Variants in SH3BP4 observed in about 807,000 individuals in gnomAD.
SH3BP4 encodes SH3 domain binding protein 4, also known as SH3 domain-binding protein 4.
A neutral mutation model predicts 65.5 loss-of-function variants in SH3BP4; 33 were observed. That is an observed-to-expected ratio of 0.50 (90% CI 0.38 to 0.67). SH3BP4 has a LOEUF of 0.67. SH3BP4 is among the 30% of genes least tolerant of loss of function. The probability of loss-of-function intolerance (pLI) is 0.00; values close to 1 mark genes in which losing one functional copy is unlikely to be tolerated. For synonymous variants in SH3BP4, 552 were observed against 545.5 expected (o/e 1.01, Z -0.17); for missense variants, 1,134 against 1,261.4 (o/e 0.90, Z 1.53).
chr2:235,015,267 T>C (rs1212844296), intron 2 of SH3BP4, among the ~76,000 whole-genome samples: 1 of 152,218 alleles, frequency 6.6e-6, no homozygotes, highest in African/African-American at 2.4e-5. Flanking sequence ...AATAAGAGTA[T>C]GTCAAACAAA....
rs562659704 is a variant in SH3BP4 at position 234,997,910 on chromosome 2, C to A, written c.-133+2534C>A. On this transcript the variant is annotated intron_variant, in intron 2 of 5. Coordinates refer to ENST00000392011, the MANE Select transcript of SH3BP4 (RefSeq NM_014521.3). The surrounding 1 kb of genome is among the most constrained non-coding windows in gnomAD (Gnocchi z 4.2). The stretch of plus-strand genomic sequence containing the variant: ...GGCCGAGGTGGGCGGATCACGAGAT[C>A]AGGAGATCAAGACCATCCTGTCTAA... Among the ~76,000 whole-genome samples, 37 of 152,200 alleles carry A rather than the reference C, an allele frequency of 2.4e-4. No individual in the cohort carries two copies. The highest frequency in any genetic ancestry group is 8.7e-4 in the African/African-American group (36 of 41,516).
Position 235,034,732 on chromosome 2 carries a change from G to T in SH3BP4, c.-132-139G>T, listed in dbSNP as rs185193689. ...CAAGGAGCAAGCGCTGCTCTGCTCTGTTGGGCCAGGAAAGATGAAATGGGT... is the reference window on the plus strand; with the variant it reads ...CAAGGAGCAAGCGCTGCTCTGCTCTTTTGGGCCAGGAAAGATGAAATGGGT... On this transcript the variant is annotated intron_variant, in intron 2 of 5. Coordinates refer to ENST00000392011, the MANE Select transcript of SH3BP4 (RefSeq NM_014521.3). This position sits in a 1 kb window ranked among gnomAD's most constrained non-coding sequence, Gnocchi z 6.2. The T allele has an allele frequency of 5.1e-5, 22 of 429,166 alleles. No homozygotes were observed. In the East Asian group the frequency reaches 7.7e-4, roughly 15 times the overall value. The allele number at this position is 429,166 out of a possible 1,614,324, so 26.6% of individuals were successfully genotyped here.
At chr2:235,038,355 T>C (rs1695495208) in intron 3 of SH3BP4, among the ~76,000 whole-genome samples, 56 of 20,030 alleles carry the variant, frequency 2.8e-3, no homozygotes, top group African/African-American at 0.017. Context: ...ATATTTTATA[T>C]ATATATATAT....
intron 2 of SH3BP4, among the ~76,000 whole-genome samples, chr2:235,023,431 C>G (rs1694903460): frequency 6.6e-6 from 1 of 151,942 alleles, no homozygotes; most frequent in African/African-American, 2.4e-5. Context: ...ACCTGTAATC[C>G]CAGCTACTTG....
intron 2 of SH3BP4, among the ~76,000 whole-genome samples, chr2:235,009,925 G>A (rs1694423761): frequency 6.6e-6 from 1 of 152,084 alleles, no homozygotes; most frequent in African/African-American, 2.4e-5. Flanking sequence ...TTGCTCCTGG[G>A]AAAGTGTGTT....
At position 234,985,117 on chromosome 2, in the gene SH3BP4, G is replaced by A. The variant is rs183637330; in HGVS notation, c.-206-10186G>A. 2.6e-3 allele frequency among the ~76,000 whole-genome samples: 402 copies of A among 152,272 alleles called. 1 individual carries two copies. The Middle Eastern group carries it at 0.027, about 10-fold the overall frequency. The stretch of plus-strand genomic sequence containing the variant: ...TGGGGCTGTGGTGTGCTGGGATAGC[G>A]GAGCACCTGCAGATCACACCCCCTA... On this transcript the variant is annotated intron_variant, in intron 1 of 5. Transcript: ENST00000392011.
At chr2:235,002,456 G>A (rs1004716920) in intron 2 of SH3BP4, among the ~76,000 whole-genome samples, 8 of 152,098 alleles carry the variant, frequency 5.3e-5, no homozygotes, top group African/African-American at 1.7e-4. Flanking sequence ...GGTCAAGCTG[G>A]ATGCGGTGGC....
rs1696152302 is a variant in SH3BP4, at chr2:235,054,104, A to G, written c.*288A>G. ...AATGGGGGGAAGGGATCTATGAGAA[A>G]GGTGGTATCTAATTTTTTTATGGAC... On this transcript the variant is annotated 3_prime_UTR_variant, in exon 6 of 6. Coordinates refer to ENST00000392011, the MANE Select transcript of SH3BP4 (RefSeq NM_014521.3). 3 of 357,492 alleles carry G rather than the reference A, an allele frequency of 8.4e-6. No homozygotes were observed. Among genetic ancestry groups the G allele is most frequent in the Non-Finnish European group, 1.5e-5 (3 of 196,380 alleles). 22.1% of individuals were successfully genotyped at this position (357,492 alleles called of 1,614,324 possible).
chr2:234,992,580 G>C (rs1047365132), intron 1 of SH3BP4, among the ~76,000 whole-genome samples: 5 of 150,080 alleles, frequency 3.3e-5, no homozygotes, highest in Admixed American at 2.6e-4. Flanking sequence ...CTCTGGGTCT[G>C]GGCAGCACCT....
intron 2 of SH3BP4, among the ~76,000 whole-genome samples, chr2:235,029,094 T>C (rs1052024656): frequency 3.9e-5 from 6 of 152,230 alleles, no homozygotes; most frequent in Non-Finnish European, 8.8e-5. Context: ...CAGGCAGGCC[T>C]GCTGGAGAGG....
rs946375470 is a variant in SH3BP4, at chr2:235,010,938, C to T, written c.-133+15562C>T. 1.4e-4 allele frequency among the ~76,000 whole-genome samples: 21 copies of T among 147,706 alleles called. 1 individual carries two copies. Among genetic ancestry groups the T allele is most frequent in the African/African-American group, 5.0e-4 (20 of 39,714 alleles). On this transcript the variant is annotated intron_variant, in intron 2 of 5. Transcript: ENST00000392011. ...CCCTTCCTCCCTCTTCTAGGAGAACCCTTTCTCTCTCTCCTAGAACCCTTC... is the reference window on the plus strand; with the variant it reads ...CCCTTCCTCCCTCTTCTAGGAGAACTCTTTCTCTCTCTCCTAGAACCCTTC...
rs1201470232 is a variant in SH3BP4 at position 234,997,124 on chromosome 2, A to G, written c.-133+1748A>G. ...CTGGATACAGCGGGCAGAGCGTTGC[A>G]TGTGCCTCTGGGTGGGGTGTAGGGG... On this transcript the variant is annotated intron_variant, in intron 2 of 5. Transcript: ENST00000392011. The surrounding 1 kb of genome is among the most constrained non-coding windows in gnomAD (Gnocchi z 4.2). Among the ~76,000 whole-genome samples, 2 of 152,140 alleles carry G rather than the reference A, an allele frequency of 1.3e-5. No homozygotes were observed. The highest frequency in any genetic ancestry group is 2.4e-5 in the African/African-American group (1 of 41,440).
intron 4 of SH3BP4, among the ~76,000 whole-genome samples, chr2:235,050,288 T>A (rs191896728): frequency 8.6e-4 from 131 of 152,108 alleles, no homozygotes; most frequent in Non-Finnish European, 1.5e-3. Flanking sequence ...GCTAATTTTT[T>A]TTGTACTTTT....
rs916533437 is a variant in SH3BP4, at chr2:235,030,182, G to GA, written c.-132-4685dup. 3.9e-5 allele frequency among the ~76,000 whole-genome samples: 6 copies of GA among 152,140 alleles called. No homozygotes were observed. The highest frequency in any genetic ancestry group is 1.4e-4 in the African/African-American group (6 of 41,434). ...TAGCAGGGCAGCAGCATGGCTTTGAGAAAATCAAGGGCTCACCAGAGGTGG... is the reference window on the plus strand; with the variant it reads ...TAGCAGGGCAGCAGCATGGCTTTGAGAAAAATCAAGGGCTCACCAGAGGTGG... On this transcript the variant is annotated intron_variant, in intron 2 of 5. Coordinates refer to ENST00000392011, the MANE Select transcript of SH3BP4 (RefSeq NM_014521.3). The surrounding 1 kb of genome is among the most constrained non-coding windows in gnomAD (Gnocchi z 4.1).
At chr2:235,040,791 A>AC in intron 3 of SH3BP4, 97 bp from the exon 4 acceptor site, 1 of 1,041,160 alleles carries the variant, frequency 9.6e-7, no homozygotes, top group Admixed American at 2.0e-5. Flanking sequence ...GTTATTGTGC[A>AC]CCTGTCTGTT....
intron 1 of SH3BP4, among the ~76,000 whole-genome samples, chr2:234,968,284 G>A (rs1321149569): frequency 6.6e-6 from 1 of 152,112 alleles, no homozygotes; most frequent in African/African-American, 2.4e-5. Context: ...CAGAAACACG[G>A]CCACCTGATG....
intron 2 of SH3BP4, among the ~76,000 whole-genome samples, chr2:235,000,099 G>C (rs887744060): frequency 6.6e-6 from 1 of 152,228 alleles, no homozygotes; most frequent in Non-Finnish European, 1.5e-5. Flanking sequence ...TCCAGGCTGG[G>C]GGTGTGCCTG....
At chr2:235,001,251 C>T (rs529818875) in intron 2 of SH3BP4, among the ~76,000 whole-genome samples, 17 of 152,270 alleles carry the variant, frequency 1.1e-4, no homozygotes, top group African/African-American at 3.6e-4. Flanking sequence ...TCTGTGAAAC[C>T]CCTGAAACTG....
intron 2 of SH3BP4, among the ~76,000 whole-genome samples, chr2:234,998,569 C>T (rs569932383): frequency 2.6e-5 from 4 of 152,326 alleles, no homozygotes; most frequent in African/African-American, 4.8e-5. Context: ...GTTTTGGTTT[C>T]GAGGTGAAAG....
Sources: gnomAD v4.1 joint callset for allele counts (sites outside exome capture counted in the v4.1 genomes callset) on GRCh38, gnomAD v4.1.1 for gene constraint, Gnocchi (gnomAD v3.1) non-coding constraint, MANE v1.5 for transcripts, NCBI Gene and HGNC (gene_info 2026-07-23, HGNC 2026-07-21) for gene names.